The following ARHGAP27 variants were observed in gnomAD, a reference collection of about 807,000 sequenced individuals.
ARHGAP27 encodes the protein rho GTPase-activating protein 27.
ARHGAP27 carries 53 observed loss-of-function variants against 102.0 expected under a neutral mutation model. The ratio of observed to expected loss-of-function variants is 0.52; its 90% confidence interval spans 0.42 to 0.65. The LOEUF is 0.65. Ranked by LOEUF, ARHGAP27 falls within the 30% of genes least tolerant of loss-of-function variation. ARHGAP27 has a pLI of 0.00. For missense variants in ARHGAP27, 1,117 were observed against 1,256.2 expected (o/e 0.89, Z 1.68); for synonymous variants, 525 against 542.8 (o/e 0.97, Z 0.46).
chr17:45,411,032 T>C (rs1461335909), intron 4 of ARHGAP27, among the ~76,000 whole-genome samples: 1 of 152,102 alleles, frequency 6.6e-6, no homozygotes, highest in African/African-American at 2.4e-5. Context: ...CATGCCCACA[T>C]GTGCCCACTC....
intron 4 of ARHGAP27, among the ~76,000 whole-genome samples, chr17:45,424,146 C>G (rs545997696): frequency 6.6e-6 from 1 of 152,308 alleles, no homozygotes; most frequent in Admixed American, 6.5e-5. Context: ...CAGGAGAGGG[C>G]AAGGAGGCAG....
intron 4 of ARHGAP27, among the ~76,000 whole-genome samples, chr17:45,415,777 G>A (rs543612140): frequency 6.6e-6 from 1 of 152,300 alleles, no homozygotes; most frequent in African/African-American, 2.4e-5. Context: ...CTTGCAGGCA[G>A]GGCAATGAGT....
intron 11 of ARHGAP27, 84 bp downstream of exon 11, chr17:45,403,535 A>C (rs1015917216): frequency 8.6e-6 from 10 of 1,156,530 alleles, no homozygotes; most frequent in Non-Finnish European, 1.1e-5. Flanking sequence ...TGGGTGACAG[A>C]GCGAGACTCC....
chr17:45,430,318 G>T lies in ARHGAP27; in HGVS notation c.-18-21C>A. 6.6e-7 allele frequency: 1 copy of T among 1,525,510 alleles called. No individual in the cohort carries two copies. The highest frequency in any genetic ancestry group is 8.7e-7 in the Non-Finnish European group (1 of 1,144,662). The allele number at this position is 1,525,510 out of a possible 1,614,324, so 94.5% of individuals were successfully genotyped here. A position where few individuals can be genotyped will look rare whatever the true frequency, so the allele number is the denominator to read the frequency against. On this transcript the variant is annotated intron_variant, in intron 3 of 19. Coordinates refer to ENST00000685559, the MANE Select transcript of ARHGAP27 (RefSeq NM_001282290.2). This position sits in a 1 kb window ranked among gnomAD's most constrained non-coding sequence, Gnocchi z 4.4. ...TTTTCCTGCGGGCAACAAGAAGGAG[G>T]GCCGCGGAGGTCAAGACCACCGAGC...
At chr17:45,429,406 C>T (rs781604365) in intron 4 of ARHGAP27, 30 of 1,374,726 alleles carry the variant, frequency 2.2e-5, no homozygotes, top group Non-Finnish European at 2.7e-5. Flanking sequence ...TCTGGGCTTC[C>T]AGGGAGCTTT....
rs374155170 is a variant in ARHGAP27 at position 45,404,566 on chromosome 17, C to T, written c.1329+35G>A. 4 of 1,613,644 alleles carry T rather than the reference C, an allele frequency of 2.5e-6. No individual in the cohort carries two copies. In the African/African-American group the frequency reaches 5.3e-5, roughly 22 times the overall value. On this transcript the variant is annotated intron_variant, in intron 7 of 19. Coordinates refer to ENST00000685559, the MANE Select transcript of ARHGAP27 (RefSeq NM_001282290.2). ...ACACAGTCGTATATGATCTCTTCCTCTCTCCCCAACACCCCCCTTTCCCCA... is the reference window on the plus strand; with the variant it reads ...ACACAGTCGTATATGATCTCTTCCTTTCTCCCCAACACCCCCCTTTCCCCA...
intron 4 of ARHGAP27, among the ~76,000 whole-genome samples, chr17:45,412,385 C>T (rs1214602632): frequency 6.6e-6 from 1 of 152,224 alleles, no homozygotes; most frequent in African/African-American, 2.4e-5. Context: ...AGCTGCACAA[C>T]ACCCCTCCTT....
At chr17:45,401,159 T>G (rs1051013175) in intron 12 of ARHGAP27, among the ~76,000 whole-genome samples, 1 of 151,874 alleles carries the variant, frequency 6.6e-6, no homozygotes, top group Non-Finnish European at 1.5e-5. Context: ...CTGGGCAACA[T>G]AGTGAGCCCC....
At chr17:45,396,888 C>T in intron 14 of ARHGAP27, 28 bp downstream of exon 14, 1 of 1,606,826 alleles carries the variant, frequency 6.2e-7, no homozygotes, top group Non-Finnish European at 8.5e-7. Flanking sequence ...CCTCCTGGAG[C>T]CCCCACCCCA....
chr17:45,417,573 C>G (rs1385886703), intron 4 of ARHGAP27, among the ~76,000 whole-genome samples: 2 of 151,840 alleles, frequency 1.3e-5, no homozygotes, highest in African/African-American at 4.8e-5. Flanking sequence ...TCGAGACCAG[C>G]CTGGCCAACA....
rs909458900 is a variant in ARHGAP27 at position 45,395,060 on chromosome 17, A to C, written c.*396T>G. ...GCCAGGGCCCACAGGGTCTCTGTGA[A>C]GGCCTCCACGAGGTGAGGGCCAGAA... On this transcript the variant is annotated 3_prime_UTR_variant, in exon 20 of 20. Transcript: ENST00000685559. 2.8e-5 allele frequency: 7 copies of C among 249,720 alleles called. No individual in the cohort carries two copies. Among genetic ancestry groups the C allele is most frequent in the African/African-American group, 1.4e-4 (6 of 43,746 alleles). The allele number at this position is 249,720 out of a possible 1,614,324, so 15.5% of individuals were successfully genotyped here.
At position 45,430,220 on chromosome 17, in the gene ARHGAP27, G is replaced by A. The variant is rs747029289; in HGVS notation, c.60C>T (p.Thr20=). 25 of 1,568,270 alleles carry A rather than the reference G, an allele frequency of 1.6e-5. No homozygotes were observed. The highest frequency in any genetic ancestry group is 2.1e-5 in the Non-Finnish European group (25 of 1,165,228). ...TGGCCACGCGGCGCCCGTCCTTGCC[G>A]GTGTACTCGAAGGGGTGCTCCACCA... ...YVLVEHPFEY[T]GKDGRRVAIR... Residue 20 remains threonine (T), a synonymous_variant, in exon 4 of 20, where the codon ACC becomes ACT. Coordinates refer to ENST00000685559, the MANE Select transcript of ARHGAP27 (RefSeq NM_001282290.2). The surrounding 1 kb of genome is among the most constrained non-coding windows in gnomAD (Gnocchi z 4.4).
chr17:45,428,242 G>A (rs1465259630), intron 4 of ARHGAP27, among the ~76,000 whole-genome samples: 2 of 152,218 alleles, frequency 1.3e-5, no homozygotes, highest in African/African-American at 4.8e-5. Flanking sequence ...ACAAGGCGGC[G>A]GGCTACCGCT....
intron 11 of ARHGAP27, 89 bp from the exon 12 acceptor site, chr17:45,402,907 T>G: frequency 1.2e-5 from 14 of 1,159,450 alleles, no homozygotes; most frequent in Non-Finnish European, 1.8e-5. Context: ...ATGGGGTCAC[T>G]GGCATGGCCA....
intron 4 of ARHGAP27, chr17:45,429,325 TA>T (rs1363959247): frequency 2.0e-6 from 2 of 989,676 alleles, no homozygotes; most frequent in Non-Finnish European, 2.7e-6. Context: ...ACAAGTGCGA[TA>T]AATAAAGACC....
intron 4 of ARHGAP27, among the ~76,000 whole-genome samples, chr17:45,420,311 TTTTG>T (rs1232818665): frequency 6.6e-6 from 1 of 152,136 alleles, no homozygotes; most frequent in Non-Finnish European, 1.5e-5. Context: ...TTTTGTTTTG[TTTTG>T]TTTTTTACCT....
At chr17:45,423,896 T>G (rs1395048759) in intron 4 of ARHGAP27, among the ~76,000 whole-genome samples, 6 of 152,246 alleles carry the variant, frequency 3.9e-5, no homozygotes, top group Non-Finnish European at 8.8e-5. Context: ...TCGATTGAGA[T>G]TTCCTCCTAT....
intron 4 of ARHGAP27, among the ~76,000 whole-genome samples, chr17:45,411,277 G>T (rs1309036041): frequency 6.6e-6 from 1 of 151,948 alleles, no homozygotes; most frequent in Non-Finnish European, 1.5e-5. Context: ...GGTCCATCTT[G>T]TCTTCCCTCC....
In ARHGAP27 at chr17:45,424,704, C is replaced by T. The variant is rs137855352; in HGVS notation, c.657+4919G>A. On this transcript the variant is annotated intron_variant, in intron 4 of 19. Transcript: ENST00000685559. ...GGGGGGTGAGGGATAAAAGACTACA[C>T]ATTGGGTACAGTGCACACCAGTCGG... Among the ~76,000 whole-genome samples the T allele has an allele frequency of 2.5e-3, 381 of 152,246 alleles. 1 individual carries two copies. The highest frequency in any genetic ancestry group is 8.5e-3 in the African/African-American group (354 of 41,538).
Sources: allele counts gnomAD v4.1 joint callset (sites outside exome capture counted in the v4.1 genomes callset), GRCh38; gene constraint gnomAD v4.1.1; non-coding constraint Gnocchi (gnomAD v3.1); transcripts MANE v1.5; gene names NCBI Gene and HGNC (gene_info 2026-07-23, HGNC 2026-07-21).